OR8B8: variants seen among roughly 807,000 people sequenced by gnomAD.
The protein encoded by OR8B8 is olfactory receptor family 8 subfamily B member 8.
A neutral mutation model predicts 10.5 loss-of-function variants in OR8B8; 8 were observed. That is an observed-to-expected ratio of 0.76 (90% CI 0.45 to 1.38). The LOEUF is 1.38. Among genes scored for constraint, OR8B8 ranks in the 40% most tolerant of loss-of-function variants. The pLI is 0.00. For synonymous variants in OR8B8, 150 were observed against 145.2 expected (o/e 1.03, Z -0.24); for missense variants, 390 against 380.5 (o/e 1.03, Z -0.21).
chr11:124,441,186 T>C, intron 2 of OR8B8, 85 bp from the exon 3 acceptor site: 2 of 870,732 alleles, frequency 2.3e-6, no homozygotes, highest in Non-Finnish European at 3.5e-6. Context: ...TTCTTGAGAA[T>C]AGGAGGCACA....
chr11:124,445,205 CA>C (rs1861516002), intron 1 of OR8B8, among the ~76,000 whole-genome samples: 1 of 152,286 alleles, frequency 6.6e-6, no homozygotes, highest in South Asian at 2.1e-4. Context: ...AATTCTCTGT[CA>C]AAACTAAGTT....
Position 124,437,670 on chromosome 11 carries a change from G to A in OR8B8, c.*2480C>T, listed in dbSNP as rs995328191. 3.5e-4 allele frequency: 38 copies of A among 108,538 alleles called. No individual in the cohort carries two copies. The highest frequency in any genetic ancestry group is 1.1e-3 in the Admixed American group (14 of 12,436). 6.7% of individuals were successfully genotyped at this position (108,538 alleles called of 1,614,324 possible). ...TGTGTGTGTGTGTGTGTGTGTGTGC[G>A]CGCGCGCGTGCGTGCGTGCTGGGAT... On this transcript the variant is annotated 3_prime_UTR_variant, in exon 3 of 3. Transcript: ENST00000642064.
chr11:124,442,006 A>G (rs61910661), intron 1 of OR8B8, among the ~76,000 whole-genome samples: 22,993 of 152,260 alleles, frequency 0.15, 1,925 homozygotes, highest in African/African-American at 0.21. Flanking sequence ...TATGCAAAGC[A>G]TTGTGCAAAA....
chr11:124,442,860 A>G (rs1861488863), intron 1 of OR8B8, among the ~76,000 whole-genome samples: 1 of 152,220 alleles, frequency 6.6e-6, no homozygotes, highest in Admixed American at 6.5e-5. Context: ...ATTTGAATCA[A>G]TATTTAAAAA....
At chr11:124,443,973 G>C (rs7123123) in intron 1 of OR8B8, among the ~76,000 whole-genome samples, 74,781 of 151,996 alleles carry the variant, frequency 0.49, 18,889 homozygotes, top group African/African-American at 0.6. Context: ...TCTCCCTTTT[G>C]TGTATCTCCA....
Position 124,440,656 on chromosome 11 carries a change from G to A in OR8B8, c.430C>T (p.Leu144Phe). 4 of 1,614,118 alleles carry A rather than the reference G, an allele frequency of 2.5e-6. No homozygotes were observed. The highest frequency in any genetic ancestry group is 3.4e-6 in the Non-Finnish European group (4 of 1,180,026). Residue 144 changes from leucine (L) to phenylalanine (F), a missense_variant, in exon 3 of 3, where the codon CTT (leucine) becomes TTT (phenylalanine). Coordinates refer to ENST00000642064, the MANE Select transcript of OR8B8 (RefSeq NM_012378.2). ...CCCATCCCATAGACACCCAACAAAA[G>A]GAGAAAACACACCTGGGGAGACATG... ...VTMSPQVCFL[L>F]LLGVYGMGFA...
chr11:124,439,954 G>T lies in OR8B8; in HGVS notation c.*196C>A. 1.8e-6 allele frequency: 1 copy of T among 570,794 alleles called. No homozygotes were observed. The allele number at this position is 570,794 out of a possible 1,614,324, so 35.4% of individuals were successfully genotyped here. ...CTTGAGTCTATCCTCAGAAATAGCG[G>T]GGAACTGAGTGAAATGATCCTCAAG... On this transcript the variant is annotated 3_prime_UTR_variant, in exon 3 of 3. Coordinates refer to ENST00000642064, the MANE Select transcript of OR8B8 (RefSeq NM_012378.2).
Position 124,440,560 on chromosome 11 carries a change from G to A in OR8B8, c.526C>T (p.His176Tyr). ...AGGGGAAGGATGTCACACATGTAGTGGTTGACAAGGTTATTGGCACAGAAG... is the reference window on the plus strand; with the variant it reads ...AGGGGAAGGATGTCACACATGTAGTAGTTGACAAGGTTATTGGCACAGAAG... The part of the protein sequence containing the change: ...VTFCANNLVN[H>Y]YMCDILPLLE... The change falls in exon 3 of 3, where the codon CAC becomes TAC. Residue 176 changes from histidine to tyrosine, a missense_variant. By Grantham distance (83) the His-to-Tyr change is moderately conservative. Coordinates refer to ENST00000642064, the MANE Select transcript of OR8B8 (RefSeq NM_012378.2). 1 of 1,614,198 alleles carries A rather than the reference G, an allele frequency of 6.2e-7. No individual in the cohort carries two copies.
Position 124,440,099 on chromosome 11 carries a change from C to G in OR8B8, c.*51G>C. ...TTTCTTCCATGTAACCAGTGGAGTC[C>G]AAATCACTTATGGGAGAAACAGTGT... On this transcript the variant is annotated 3_prime_UTR_variant, in exon 3 of 3. Coordinates refer to ENST00000642064, the MANE Select transcript of OR8B8 (RefSeq NM_012378.2). 6.9e-7 allele frequency: 1 copy of G among 1,442,158 alleles called. No individual in the cohort carries two copies. The highest frequency in any genetic ancestry group is 1.3e-5 in the South Asian group (1 of 78,998). The allele number at this position is 1,442,158 out of a possible 1,614,324, so 89.3% of individuals were successfully genotyped here. A position where few individuals can be genotyped will look rare whatever the true frequency, so the allele number is the denominator to read the frequency against.
chr11:124,444,622 A>G (rs1861508873), intron 1 of OR8B8, among the ~76,000 whole-genome samples: 1 of 152,180 alleles, frequency 6.6e-6, no homozygotes, highest in Non-Finnish European at 1.5e-5. Flanking sequence ...CTAATTCTCA[A>G]TCTCCTCATC....
At chr11:124,443,006 A>G (rs12282735) in intron 1 of OR8B8, among the ~76,000 whole-genome samples, 93,917 of 149,398 alleles carry the variant, frequency 0.63, 30,281 homozygotes, top group African/African-American at 0.76. Context: ...TTTATAACTT[A>G]TATTTCTCAC....
chr11:124,441,001 A>G lies in OR8B8; in HGVS notation c.85T>C (p.Phe29Leu), dbSNP rs530175526. The G allele has an allele frequency of 6.2e-7, 1 of 1,613,978 alleles. No individual in the cohort carries two copies. The highest frequency in any genetic ancestry group is 1.1e-5 in the South Asian group (1 of 91,082). Residue 29 changes from phenylalanine to leucine, a missense_variant, in exon 3 of 3, where the codon TTC becomes CTC. Physicochemically the swap from Phe to Leu is conservative, Grantham distance 22 (BLOSUM62 0). Transcript: ENST00000642064. ...ACCACGTAGAAGCCTAGAAACAGGAAGAAGAGGGGGATCTGGACTCCCGGT... is the reference window on the plus strand; with the variant it reads ...ACCACGTAGAAGCCTAGAAACAGGAGGAAGAGGGGGATCTGGACTCCCGGT... The part of the protein sequence containing the change: ...DQPGVQIPLF[F>L]LFLGFYVVTV...
At chr11:124,445,277 C>A (rs926617456) in intron 1 of OR8B8, among the ~76,000 whole-genome samples, 1 of 152,194 alleles carries the variant, frequency 6.6e-6, no homozygotes, top group African/African-American at 2.4e-5. Context: ...TGGGGACAAT[C>A]CACATTCTTC....
chr11:124,440,609 G>A lies in OR8B8; in HGVS notation c.477C>T (p.His159=). 1.2e-6 allele frequency: 2 copies of A among 1,614,172 alleles called. No homozygotes were observed. The highest frequency in any genetic ancestry group is 2.2e-5 in the South Asian group (2 of 91,072). ...YGMGFAGAMA[H]TACMMGVTFC... ...AGGTCACACCCATCATGCACGCTGTGTGGGCCATGGCCCCAGCAAACCCCA... is the reference window on the plus strand; with the variant it reads ...AGGTCACACCCATCATGCACGCTGTATGGGCCATGGCCCCAGCAAACCCCA... The change falls in exon 3 of 3, where the codon CAC becomes CAT. Residue 159 remains histidine (H), a synonymous_variant. Transcript: ENST00000642064.
In OR8B8 at chr11:124,438,708, G is replaced by A. The variant is rs1025936821; in HGVS notation, c.*1442C>T. 5 of 152,210 alleles carry A rather than the reference G, an allele frequency of 3.3e-5. No homozygotes were observed. Among genetic ancestry groups the A allele is most frequent in the African/African-American group, 1.2e-4 (5 of 41,452 alleles). The allele number at this position is 152,210 out of a possible 1,614,324, so 9.4% of individuals were successfully genotyped here. A position where few individuals can be genotyped will look rare whatever the true frequency, so the allele number is the denominator to read the frequency against. On this transcript the variant is annotated 3_prime_UTR_variant, in exon 3 of 3. Coordinates refer to ENST00000642064, the MANE Select transcript of OR8B8 (RefSeq NM_012378.2). ...TGCATTTGTTTAAGCAAAAGTGGTT[G>A]AGAGAAACCACAAAGAGATGGTCAA...
intron 1 of OR8B8, among the ~76,000 whole-genome samples, chr11:124,443,924 G>A (rs560318902): frequency 3.9e-5 from 6 of 152,258 alleles, no homozygotes; most frequent in Admixed American, 1.3e-4. Flanking sequence ...ATCTGTAAGC[G>A]TGAAGGAATT....
Position 124,445,656 on chromosome 11 carries a change from T to A in OR8B8, c.-233A>T, listed in dbSNP as rs755264159. 9 of 152,208 alleles carry A rather than the reference T, an allele frequency of 5.9e-5. No homozygotes were observed. Among genetic ancestry groups the A allele is most frequent in the Non-Finnish European group, 1.2e-4 (8 of 68,040 alleles). The allele number at this position is 152,208 out of a possible 1,614,324, so 9.4% of individuals were successfully genotyped here. ...CAAGATGCCTCAAGTGTAACTCTTA[T>A]ACCTAGAAATCTGCCACTCCCTCAG... On this transcript the variant is annotated 5_prime_UTR_variant, in exon 1 of 3. Transcript: ENST00000642064.
chr11:124,445,322 A>C (rs761764456), intron 1 of OR8B8, among the ~76,000 whole-genome samples: 20 of 152,126 alleles, frequency 1.3e-4, no homozygotes, highest in Non-Finnish European at 1.5e-4. Context: ...ATGAAGACAA[A>C]GTCTTTAGCA....
Position 124,440,774 on chromosome 11 carries a change from A to C in OR8B8, c.312T>G (p.Phe104Leu), listed in dbSNP as rs750005696. ...YAGCMTQLFF[F>L]LFFVVSESFI... ...AGGACTCAGAGACAACAAAGAAAAG[A>C]AAGAAGAAGAGCTGAGTCATACACC... is the stretch of plus-strand genomic sequence containing the variant. The change falls in exon 3 of 3, where the codon TTT (phenylalanine) becomes TTG (leucine). Residue 104 changes from phenylalanine to leucine, a missense_variant. Coordinates refer to ENST00000642064, the MANE Select transcript of OR8B8 (RefSeq NM_012378.2). 1 of 1,614,232 alleles carries C rather than the reference A, an allele frequency of 6.2e-7. No individual in the cohort carries two copies. Among genetic ancestry groups the C allele is most frequent in the East Asian group, 2.2e-5 (1 of 44,872 alleles).
Sources: gnomAD v4.1 joint callset for allele counts (sites outside exome capture counted in the v4.1 genomes callset) on GRCh38, gnomAD v4.1.1 for gene constraint, MANE v1.5 for transcripts, NCBI Gene and HGNC (gene_info 2026-07-23, HGNC 2026-07-21) for gene names.